The following CACNA1E variants were observed in gnomAD, a reference collection of about 807,000 sequenced individuals.
CACNA1E encodes calcium voltage-gated channel subunit alpha1 E.
Under a neutral mutation model 259.2 loss-of-function variants are expected in CACNA1E, and 40 were observed. The ratio of observed to expected loss-of-function variants is 0.15; its 90% CI spans 0.12 to 0.20. The LOEUF (loss-of-function observed/expected upper bound fraction) is 0.20. Among genes scored for constraint, CACNA1E ranks in the 10% least tolerant of loss-of-function variants. The pLI, the probability that CACNA1E is intolerant of heterozygous loss-of-function variation, is 1.00. For missense variants in CACNA1E, 1,874 were observed against 3,040.1 expected (o/e 0.62, Z 9.02); for synonymous variants, 1,104 against 1,138.5 (o/e 0.97, Z 0.61).
intron 11 of CACNA1E, among the ~76,000 whole-genome samples, 156 bp from the exon 12 acceptor site, chr1:181,717,899 G>A (rs990321603): frequency 2.6e-5 from 4 of 152,146 alleles, no homozygotes; most frequent in Middle Eastern, 3.2e-3. Flanking sequence ...GAGGGTACTC[G>A]GACATCATTA....
chr1:181,351,805 A>T (rs1283584746), intron 1 of CACNA1E, among the ~76,000 whole-genome samples: 1 of 152,256 alleles, frequency 6.6e-6, no homozygotes, highest in East Asian at 1.9e-4. Flanking sequence ...GCCCATCCAG[A>T]TAAATCCAGG....
In CACNA1E at chr1:181,801,178, A is replaced by G. The variant is rs1662247054; in HGVS notation, c.*2344A>G. On this transcript the variant is annotated 3_prime_UTR_variant, in exon 48 of 48. Coordinates refer to ENST00000367573, the MANE Select transcript of CACNA1E (RefSeq NM_001205293.3). ...TGCAGCTTTCCCTAGGGGGAGGCCT[A>G]CAACAGGACGACCATTCTGAGCCAG... 6.5e-6 allele frequency: 1 copy of G among 152,684 alleles called. No individual in the cohort carries two copies. Among genetic ancestry groups the G allele is most frequent in the South Asian group, 2.1e-4 (1 of 4,824 alleles). The allele number at this position is 152,684 out of a possible 1,614,324, so 9.5% of individuals were successfully genotyped here.
rs1305036938 is a variant in CACNA1E at position 181,732,431 on chromosome 1, C to A, written c.2345C>A (p.Thr782Asn). Residue 782 changes from threonine (T) to asparagine (N), a missense_variant, in exon 20 of 48, where the codon ACC becomes AAC. Transcript: ENST00000367573. The surrounding 1 kb of genome is among the most constrained non-coding windows in gnomAD (Gnocchi z 5.5). ...CACATGTCCGTGTGGGAGCAGCGTA[C>A]CAGCCAGCTGAGGAAGCACATGCAG... The part of the protein sequence containing the change: ...RHHMSVWEQR[T>N]SQLRKHMQMS... The A allele has an allele frequency of 6.5e-7, 1 of 1,547,520 alleles. No homozygotes were observed. The highest frequency in any genetic ancestry group is 1.4e-5 in the African/African-American group (1 of 72,872).
chr1:181,642,667 C>T (rs1558218946), intron 6 of CACNA1E, among the ~76,000 whole-genome samples: 1 of 152,190 alleles, frequency 6.6e-6, no homozygotes, highest in Non-Finnish European at 1.5e-5. Flanking sequence ...AGCTCATCAC[C>T]ACTGGGCACG....
At chr1:181,552,199 C>T (rs1648243584) in intron 3 of CACNA1E, among the ~76,000 whole-genome samples, 1 of 152,198 alleles carries the variant, frequency 6.6e-6, no homozygotes, top group African/African-American at 2.4e-5. Flanking sequence ...TGTTTGTGAA[C>T]AGTCTGAGAT....
In CACNA1E at chr1:181,800,377, TAATAGC is replaced by T. The variant is rs1662184362; in HGVS notation, c.*1544_*1549del. 2 of 152,654 alleles carry T rather than the reference TAATAGC, an allele frequency of 1.3e-5. No individual in the cohort carries two copies. The highest frequency in any genetic ancestry group is 2.9e-5 in the Non-Finnish European group (2 of 68,056). The allele number at this position is 152,654 out of a possible 1,614,324, so 9.5% of individuals were successfully genotyped here. A position where few individuals can be genotyped will look rare whatever the true frequency, so the allele number is the denominator to read the frequency against. ...GCTGACAGTCCCACCCTGTCATTCCTAATAGCCCAAACGCAGAAGCACTGAGCAAGA... is the reference window on the plus strand; with the variant it reads ...GCTGACAGTCCCACCCTGTCATTCCTCCAAACGCAGAAGCACTGAGCAAGA... On this transcript the variant is annotated 3_prime_UTR_variant, in exon 48 of 48. Coordinates refer to ENST00000367573, the MANE Select transcript of CACNA1E (RefSeq NM_001205293.3).
At chr1:181,607,882 A>G (rs1345819352) in intron 6 of CACNA1E, among the ~76,000 whole-genome samples, 1 of 152,130 alleles carries the variant, frequency 6.6e-6, no homozygotes, top group Non-Finnish European at 1.5e-5. Flanking sequence ...CTGGGTTTTG[A>G]AGAGGGTTTA....
chr1:181,720,051 A>C (rs1654281814), intron 13 of CACNA1E, among the ~76,000 whole-genome samples, 155 bp from the exon 14 acceptor site: 1 of 152,094 alleles, frequency 6.6e-6, no homozygotes, highest in Admixed American at 6.5e-5. Context: ...ATGGTGCCAC[A>C]TTCCCAAGGG....
intron 6 of CACNA1E, among the ~76,000 whole-genome samples, chr1:181,646,823 G>A (rs2102035015): frequency 6.6e-6 from 1 of 152,334 alleles, no homozygotes; most frequent in African/African-American, 2.4e-5. Context: ...ATGTGTGCCT[G>A]TTTACGCAGG....
chr1:181,469,507 C>A lies in CACNA1E; in HGVS notation c.435-14237C>A, dbSNP rs562234461. Among the ~76,000 whole-genome samples, 17 of 152,130 alleles carry A rather than the reference C, an allele frequency of 1.1e-4. No homozygotes were observed. The South Asian group carries it at 3.5e-3, about 32-fold the overall frequency. On this transcript the variant is annotated intron_variant, in intron 2 of 11. Coordinates refer to the CACNA1E transcript ENST00000524607. ...CTGTCAGGTCATCCAGGTGGAGGTG[C>A]CCATTTGAGCCATGGTGAATATAGT...
At position 181,798,733 on chromosome 1, in the gene CACNA1E, G is replaced by A. The variant is rs746705934; in HGVS notation, c.6841G>A (p.Gly2281Arg). 3.0e-5 allele frequency: 48 copies of A among 1,607,380 alleles called. No homozygotes were observed. The highest frequency in any genetic ancestry group is 4.0e-5 in the Non-Finnish European group (47 of 1,176,012). ...PLRHSWQMPN[G>R]HYRRRRRGGP... ...GCGGCATAGCTGGCAGATGCCCAAC[G>A]GGCACTATCGGCGGCGGAGGCGCGG... The change falls in exon 48 of 48, where the codon GGG becomes AGG. Residue 2281 changes from glycine to arginine, a missense_variant. Physicochemically the swap from Gly to Arg is moderately radical, Grantham distance 125. Around this residue, in one of 14 missense-constraint regions of CACNA1E, gnomAD observed 542 missense variants for 587.2 expected, o/e 0.92. Coordinates refer to ENST00000367573, the MANE Select transcript of CACNA1E (RefSeq NM_001205293.3). The surrounding 1 kb of genome is among the most constrained non-coding windows in gnomAD (Gnocchi z 4.2).
At position 181,717,107 on chromosome 1, in the gene CACNA1E, C is replaced by T; in HGVS notation, c.1330C>T (p.Arg444Ter). 1 of 1,613,944 alleles carries T rather than the reference C, an allele frequency of 6.2e-7. No individual in the cohort carries two copies. The highest frequency in any genetic ancestry group is 8.5e-7 in the Non-Finnish European group (1 of 1,179,804). The change falls in exon 11 of 48, where the codon CGA becomes TGA. Residue 444 changes from arginine to a stop codon, truncating the protein, a stop_gained. Transcript: ENST00000367573. LOFTEE classifies it high-confidence loss of function. ...DISSVGTPLA[R>*]ASIKSAKVDG... ...CTCCCTCTTAGGCACACCTCTGGCC[C>T]GAGCCAGTATCAAAAGTGCAAAGGT...
intron 33 of CACNA1E, 36 bp from the exon 34 acceptor site, chr1:181,763,370 A>G (rs755880090): frequency 2.0e-6 from 3 of 1,530,434 alleles, no homozygotes; most frequent in East Asian, 4.6e-5. Context: ...AATCACCATA[A>G]TGTTCCTAAT....
chr1:181,619,769 C>T (rs765639674), intron 6 of CACNA1E, among the ~76,000 whole-genome samples: 23 of 152,030 alleles, frequency 1.5e-4, no homozygotes, highest in Admixed American at 7.2e-4. Context: ...ATGGGATATG[C>T]GAGACAAAGG....
At chr1:181,504,445 G>A (rs747348298) in intron 1 of CACNA1E, among the ~76,000 whole-genome samples, 1 of 152,222 alleles carries the variant, frequency 6.6e-6, no homozygotes, top group East Asian at 1.9e-4. Flanking sequence ...GGAGGAGACA[G>A]CTAAGTACAG....
At chr1:181,641,260 A>G (rs1437123914) in intron 6 of CACNA1E, among the ~76,000 whole-genome samples, 2 of 152,334 alleles carry the variant, frequency 1.3e-5, no homozygotes, top group Admixed American at 1.3e-4. Flanking sequence ...GTTTTCAAGT[A>G]TGAGAGGACT....
chr1:181,719,582 G>C (rs1654237333), intron 12 of CACNA1E, among the ~76,000 whole-genome samples, 169 bp from the exon 13 acceptor site: 1 of 152,222 alleles, frequency 6.6e-6, no homozygotes, highest in South Asian at 2.1e-4. Context: ...ATGGGAGAGA[G>C]GTGGCAGCTT....
chr1:181,407,119 C>T (rs911954914), intron 1 of CACNA1E, among the ~76,000 whole-genome samples: 1 of 152,186 alleles, frequency 6.6e-6, no homozygotes, highest in African/African-American at 2.4e-5. Flanking sequence ...TCTTGGTTTA[C>T]ATTCAGAATG....
intron 7 of CACNA1E, among the ~76,000 whole-genome samples, chr1:181,694,711 C>G (rs1325496740): frequency 6.6e-6 from 1 of 152,136 alleles, no homozygotes; most frequent in African/African-American, 2.4e-5. Context: ...CTCAAGTATT[C>G]TGTTATAGTG....
Sources: gnomAD v4.1 joint callset for allele counts (sites outside exome capture counted in the v4.1 genomes callset) on GRCh38, gnomAD v4.1.1 for gene constraint, gnomAD v4.1.1 regional missense constraint, Gnocchi (gnomAD v3.1) non-coding constraint, MANE v1.5 for transcripts, NCBI Gene and HGNC (gene_info 2026-07-23, HGNC 2026-07-21) for gene names.